The following LPGAT1 variants were observed in gnomAD, a reference collection of about 807,000 sequenced individuals.
LPGAT1 encodes lysophosphatidylglycerol acyltransferase 1, also known as acyl-CoA:lysophosphatidylglycerol acyltransferase 1.
Under a neutral mutation model 47.5 loss-of-function variants are expected in LPGAT1, and 11 were observed. The observed-to-expected ratio is 0.23, with a 90% confidence interval of 0.15 to 0.38. The LOEUF (loss-of-function observed/expected upper bound fraction) is 0.38. Ranked by LOEUF, LPGAT1 falls within the 10% of genes least tolerant of loss-of-function variation. The pLI is 1.00. For synonymous variants in LPGAT1, 138 were observed against 144.2 expected (o/e 0.96, Z 0.31); for missense variants, 293 against 439.0 (o/e 0.67, Z 2.97).
At chr1:211,777,078 A>G (rs1342825022) in intron 6 of LPGAT1, among the ~76,000 whole-genome samples, 1 of 152,198 alleles carries the variant, frequency 6.6e-6, no homozygotes. Context: ...ATATAACCAA[A>G]TGAACGAAAA....
intron 2 of LPGAT1, among the ~76,000 whole-genome samples, chr1:211,813,156 G>C (rs538884187): frequency 6.6e-6 from 1 of 152,290 alleles, no homozygotes; most frequent in Non-Finnish European, 1.5e-5. Context: ...AGGTCTCATA[G>C]CTACTAAATG....
chr1:211,756,416 G>C (rs1159771531), intron 6 of LPGAT1, among the ~76,000 whole-genome samples: 1 of 152,086 alleles, frequency 6.6e-6, no homozygotes, highest in Non-Finnish European at 1.5e-5. Flanking sequence ...CAGCAGCCTT[G>C]ACTTCCCAGG....
Position 211,755,205 on chromosome 1 carries a change from G to A in LPGAT1, c.855-4138C>T, listed in dbSNP as rs1657389292. Among the ~76,000 whole-genome samples, 3 of 152,122 alleles carry A rather than the reference G, an allele frequency of 2.0e-5. 1 individual carries two copies. The highest frequency in any genetic ancestry group is 2.0e-4 in the Admixed American group (3 of 15,282). ...ACAAAAAAATTAGCCAGGTGTGGCA[G>A]CATGCGCCTGTAGTCCCAGCTACTT... On this transcript the variant is annotated intron_variant, in intron 6 of 7. Transcript: ENST00000366997.
intron 6 of LPGAT1, among the ~76,000 whole-genome samples, chr1:211,758,685 AGAGT>A (rs915587228): frequency 1.3e-4 from 20 of 152,296 alleles, no homozygotes; most frequent in African/African-American, 4.3e-4. Flanking sequence ...CCTAGGTGAC[AGAGT>A]GAGACTCCGT....
Position 211,802,370 on chromosome 1 carries a change from T to C in LPGAT1, c.239-9180A>G, listed in dbSNP as rs1333115345. Among the ~76,000 whole-genome samples, 3 of 151,896 alleles carry C rather than the reference T, an allele frequency of 2.0e-5. No individual in the cohort carries two copies. In the South Asian group the frequency reaches 6.2e-4, roughly 32 times the overall value. ...TTGCCGGAGACCTGAAAAAGGCTGT[T>C]AATGTGAAAGAGAGCAAAGCAAACA... is the stretch of plus-strand genomic sequence containing the variant. On this transcript the variant is annotated intron_variant, in intron 2 of 7. Transcript: ENST00000366997.
At chr1:211,787,837 A>G in intron 3 of LPGAT1, 110 bp from the exon 4 acceptor site, 1 of 613,078 alleles carries the variant, frequency 1.6e-6, no homozygotes, top group Non-Finnish European at 2.9e-6. Context: ...TTAATTAACC[A>G]AAATATCTTA....
At chr1:211,760,467 T>A (rs542935115) in intron 6 of LPGAT1, among the ~76,000 whole-genome samples, 1 of 150,278 alleles carries the variant, frequency 6.7e-6, no homozygotes, top group Admixed American at 6.7e-5. Flanking sequence ...CCAACCCCCC[T>A]CAAAAAAGAA....
intron 6 of LPGAT1, among the ~76,000 whole-genome samples, chr1:211,751,286 C>T (rs898446241): frequency 2.0e-5 from 3 of 152,186 alleles, no homozygotes; most frequent in Non-Finnish European, 2.9e-5. Flanking sequence ...TACTAGTCTA[C>T]TATGTTTAGG....
At chr1:211,759,663 TC>T (rs1260779427) in intron 6 of LPGAT1, among the ~76,000 whole-genome samples, 1 of 152,220 alleles carries the variant, frequency 6.6e-6, no homozygotes, top group East Asian at 1.9e-4. Flanking sequence ...TATAAATCCT[TC>T]CTATGCATAG....
At chr1:211,792,825 C>G (rs373066019) in intron 3 of LPGAT1, among the ~76,000 whole-genome samples, 126 of 146,516 alleles carry the variant, frequency 8.6e-4, no homozygotes, top group African/African-American at 3.0e-3. Context: ...AATTCTCTTG[C>G]CTCAGCCTCC....
rs535949048 is a variant in LPGAT1, at chr1:211,748,118, C to T, written c.*1781G>A. 126 of 152,150 alleles carry T rather than the reference C, an allele frequency of 8.3e-4. No homozygotes were observed. The highest frequency in any genetic ancestry group is 2.9e-3 in the African/African-American group (119 of 41,442). The allele number at this position is 152,150 out of a possible 1,614,324, so 9.4% of individuals were successfully genotyped here. A position where few individuals can be genotyped will look rare whatever the true frequency, so the allele number is the denominator to read the frequency against. ...TTTATTTAAAAATAGAAAACAGCAA[C>T]CTTTTTTTGTTTTATAGCCTACTTC... is the stretch of plus-strand genomic sequence containing the variant. On this transcript the variant is annotated 3_prime_UTR_variant, in exon 8 of 8. Coordinates refer to ENST00000366997, the MANE Select transcript of LPGAT1 (RefSeq NM_014873.3).
intron 6 of LPGAT1, among the ~76,000 whole-genome samples, chr1:211,777,827 A>G (rs1658467397): frequency 6.6e-6 from 1 of 152,228 alleles, no homozygotes; most frequent in Non-Finnish European, 1.5e-5. Context: ...TAGTTAAGGC[A>G]TTCTAAGTCA....
At chr1:211,770,989 C>G (rs181119099) in intron 6 of LPGAT1, among the ~76,000 whole-genome samples, 3 of 151,494 alleles carry the variant, frequency 2.0e-5, no homozygotes, top group African/African-American at 7.3e-5. Flanking sequence ...CCCAGCTACC[C>G]GAGAGGCTGA....
intron 6 of LPGAT1, among the ~76,000 whole-genome samples, chr1:211,765,648 C>T (rs12123889): frequency 0.084 from 12,716 of 152,182 alleles, 650 homozygotes; most frequent in Admixed American, 0.15. Context: ...GGAGAGAATT[C>T]TTTATTTCCA....
chr1:211,797,278 T>C (rs1659389372), intron 2 of LPGAT1, among the ~76,000 whole-genome samples: 1 of 149,734 alleles, frequency 6.7e-6, no homozygotes, highest in Non-Finnish European at 1.5e-5. Context: ...CAAAACAAAA[T>C]GAAGGTACCT....
Position 211,749,733 on chromosome 1 carries a change from T to C in LPGAT1, c.*166A>G. On this transcript the variant is annotated 3_prime_UTR_variant, in exon 8 of 8. Coordinates refer to ENST00000366997, the MANE Select transcript of LPGAT1 (RefSeq NM_014873.3). ...CAGGTCATTATATTACTAATCCTCA[T>C]TTTAGTAGATTTTAAAATATCCCAA... The C allele has an allele frequency of 2.9e-6, 2 of 690,404 alleles. No homozygotes were observed. The highest frequency in any genetic ancestry group is 4.9e-6 in the Non-Finnish European group (2 of 405,702). The allele number at this position is 690,404 out of a possible 1,614,324, so 42.8% of individuals were successfully genotyped here. A position where few individuals can be genotyped will look rare whatever the true frequency, so the allele number is the denominator to read the frequency against.
At chr1:211,826,679 A>C in intron 2 of LPGAT1, among the ~76,000 whole-genome samples, 1 of 152,116 alleles carries the variant, frequency 6.6e-6, no homozygotes, top group Admixed American at 6.5e-5. Flanking sequence ...ATATATATAT[A>C]TATATATTCA....
chr1:211,777,836 C>G (rs1359420067), intron 6 of LPGAT1, among the ~76,000 whole-genome samples: 1 of 152,284 alleles, frequency 6.6e-6, no homozygotes, highest in East Asian at 1.9e-4. Flanking sequence ...CATTCTAAGT[C>G]ACAGGATGAG....
Position 211,779,030 on chromosome 1 carries a change from C to T in LPGAT1, c.742G>A (p.Gly248Ser). ...GTTGTATCTATTATCCACTGGAGGC[C>T]TTTTGATTTGCTGTCTGAGAACAAA... is the stretch of plus-strand genomic sequence containing the variant. ...DAKELDSKSK[G>S]LQWIIDTTIA... Residue 248 changes from glycine (G) to serine (S), a missense_variant, in exon 6 of 8, where the codon GGC becomes AGC. Transcript: ENST00000366997. 1 of 1,579,382 alleles carries T rather than the reference C, an allele frequency of 6.3e-7. No individual in the cohort carries two copies. Among genetic ancestry groups the T allele is most frequent in the East Asian group, 2.3e-5 (1 of 44,178 alleles).
Sources: allele counts gnomAD v4.1 joint callset (sites outside exome capture counted in the v4.1 genomes callset), GRCh38; gene constraint gnomAD v4.1.1; transcripts MANE v1.5; gene names NCBI Gene and HGNC (gene_info 2026-07-23, HGNC 2026-07-21).